The following FKBP5 variants were observed in gnomAD, a reference collection of about 807,000 sequenced individuals.
FKBP5 encodes peptidyl-prolyl cis-trans isomerase FKBP5.
Under a neutral mutation model 50.5 loss-of-function variants are expected in FKBP5, and 23 were observed. The ratio of observed to expected loss-of-function variants is 0.46; its 90% confidence interval spans 0.33 to 0.65. The LOEUF is 0.65. FKBP5 is among the 30% of genes least tolerant of loss of function. The pLI, the probability that FKBP5 is intolerant of heterozygous loss-of-function variation, is 0.02. For missense variants in FKBP5, 411 were observed against 553.1 expected, an observed-to-expected ratio of 0.74 and a Z score of 2.58; for synonymous variants, 176 against 190.6, an observed-to-expected ratio of 0.92 and a Z score of 0.63.
chr6:35,614,546 C>G (rs1763587077), intron 5 of FKBP5, among the ~76,000 whole-genome samples: 1 of 152,062 alleles, frequency 6.6e-6, no homozygotes, highest in African/African-American at 2.4e-5. Flanking sequence ...GAAGTTACCT[C>G]AGTTGGAAAG....
chr6:35,602,008 A>G (rs1359885875), intron 5 of FKBP5, among the ~76,000 whole-genome samples: 1 of 152,168 alleles, frequency 6.6e-6, no homozygotes, highest in African/African-American at 2.4e-5. Context: ...AGCGAGCTGC[A>G]AAACATCACT....
chr6:35,605,123 TGAA>T (rs1350007489), intron 5 of FKBP5, among the ~76,000 whole-genome samples: 9 of 152,248 alleles, frequency 5.9e-5, no homozygotes, highest in Admixed American at 5.2e-4. Flanking sequence ...GCTCAATTGA[TGAA>T]GTTTTCCTTG....
chr6:35,671,171 G>A (rs1052445953), intron 1 of FKBP5, among the ~76,000 whole-genome samples: 2 of 151,748 alleles, frequency 1.3e-5, no homozygotes, highest in African/African-American at 4.8e-5. Context: ...GGCTGAGGTG[G>A]AAGGATTGCT....
At chr6:35,618,392 A>G (rs1431011692) in intron 5 of FKBP5, among the ~76,000 whole-genome samples, 4 of 151,212 alleles carry the variant, frequency 2.6e-5, no homozygotes, top group Non-Finnish European at 5.9e-5. Context: ...TTTTTTTTGG[A>G]CAGAATCTTG....
intron 2 of FKBP5, among the ~76,000 whole-genome samples, chr6:35,706,120 T>C (rs755794515): frequency 6.8e-6 from 1 of 147,246 alleles, no homozygotes; most frequent in Non-Finnish European, 1.5e-5. Flanking sequence ...AACAAACAAA[T>C]AGTTTAGAAA....
At chr6:35,606,918 C>T (rs778403214) in intron 5 of FKBP5, among the ~76,000 whole-genome samples, 6 of 152,088 alleles carry the variant, frequency 3.9e-5, no homozygotes, top group Non-Finnish European at 8.8e-5. Context: ...TTTACACTGA[C>T]ATGTTTACTG....
At chr6:35,685,482 A>G (rs1251171799) in intron 1 of FKBP5, among the ~76,000 whole-genome samples, 1 of 151,394 alleles carries the variant, frequency 6.6e-6, no homozygotes, top group South Asian at 2.1e-4. Context: ...TACTTAAAAA[A>G]CAAAATCTAC....
chr6:35,595,325 A>G (rs1762955926), intron 6 of FKBP5, among the ~76,000 whole-genome samples: 1 of 152,232 alleles, frequency 6.6e-6, no homozygotes, highest in South Asian at 2.1e-4. Context: ...ACTGGTTCCT[A>G]TAACATTATG....
chr6:35,584,108 T>C, intron 8 of FKBP5: 1 of 985,480 alleles, frequency 1.0e-6, no homozygotes. Flanking sequence ...GCTCCTGTCC[T>C]GCAGAACACT....
chr6:35,688,203 C>T (rs1204446461), intron 1 of FKBP5, among the ~76,000 whole-genome samples: 1 of 152,236 alleles, frequency 6.6e-6, no homozygotes, highest in African/African-American at 2.4e-5. Flanking sequence ...CCCGTCCACA[C>T]CCGGAGCGCG....
At chr6:35,585,177 G>A in intron 8 of FKBP5, 1 of 978,878 alleles carries the variant, frequency 1.0e-6, no homozygotes, top group Non-Finnish European at 1.2e-6. Context: ...ATTCTATTTG[G>A]AAGTATTGAG....
intron 3 of FKBP5, among the ~76,000 whole-genome samples, chr6:35,634,433 C>G (rs551022206): frequency 6.6e-6 from 1 of 152,134 alleles, no homozygotes; most frequent in Non-Finnish European, 1.5e-5. Flanking sequence ...ATCTCATGAG[C>G]CATTAACCTA....
rs147241450 is a variant in FKBP5 at position 35,627,399 on chromosome 6, T to C, written c.251-7125A>G. ...TCTAAGTGACCCTCCCACCTAGGTCTCCCAAAATGCTGGGATTACAGGTAT... is the reference window on the plus strand; with the variant it reads ...TCTAAGTGACCCTCCCACCTAGGTCCCCCAAAATGCTGGGATTACAGGTAT... On this transcript the variant is annotated intron_variant, in intron 3 of 10. Coordinates refer to ENST00000357266, the MANE Select transcript of FKBP5 (RefSeq NM_004117.4). Among the ~76,000 whole-genome samples the C allele has an allele frequency of 4.0e-3, 614 of 152,300 alleles. 4 individuals carry two copies. Among genetic ancestry groups the C allele is most frequent in the Non-Finnish European group, 7.7e-3 (522 of 68,024 alleles).
chr6:35,655,463 A>G (rs1764921077), intron 1 of FKBP5, among the ~76,000 whole-genome samples: 1 of 152,204 alleles, frequency 6.6e-6, no homozygotes, highest in Admixed American at 6.5e-5. Flanking sequence ...AGGGCCAAAG[A>G]GTTTGGTTCT....
chr6:35,640,156 T>C (rs1052302632), intron 2 of FKBP5, among the ~76,000 whole-genome samples: 5 of 152,224 alleles, frequency 3.3e-5, no homozygotes, highest in African/African-American at 1.2e-4. Flanking sequence ...TTCTGAGAAA[T>C]GTGTTCTTAG....
chr6:35,719,067 C>T (rs1343431350), intron 2 of FKBP5, among the ~76,000 whole-genome samples: 2 of 152,308 alleles, frequency 1.3e-5, no homozygotes, highest in South Asian at 4.1e-4. Context: ...AGCCTCTCTG[C>T]TCCAAGAAGT....
intron 1 of FKBP5, among the ~76,000 whole-genome samples, chr6:35,673,186 A>T (rs1765435549): frequency 6.6e-6 from 1 of 152,234 alleles, no homozygotes; most frequent in African/African-American, 2.4e-5. Context: ...ATCTAGGTAG[A>T]AAAACAATGT....
chr6:35,604,733 T>C (rs1763252593), intron 5 of FKBP5, among the ~76,000 whole-genome samples: 1 of 152,210 alleles, frequency 6.6e-6, no homozygotes, highest in Non-Finnish European at 1.5e-5. Context: ...ATCCCATTCA[T>C]ATTTTTTGTA....
At chr6:35,635,343 G>A (rs923060912) in intron 3 of FKBP5, among the ~76,000 whole-genome samples, 28 of 151,942 alleles carry the variant, frequency 1.8e-4, no homozygotes, top group African/African-American at 6.3e-4. Context: ...ATGGTGGCAT[G>A]CACCTGTATT....
Sources: allele counts gnomAD v4.1 joint callset (sites outside exome capture counted in the v4.1 genomes callset), GRCh38; gene constraint gnomAD v4.1.1; transcripts MANE v1.5; gene names NCBI Gene and HGNC (gene_info 2026-07-23, HGNC 2026-07-21).